ZNF785: variants seen among roughly 807,000 people sequenced by gnomAD.
ZNF785 encodes the protein zinc finger protein 785.
ZNF785 carries 15 observed loss-of-function variants against 11.3 expected under a neutral mutation model. The observed-to-expected ratio is 1.32, with a 90% CI of 0.89 to 2.04. The LOEUF is 2.04. Ranked by LOEUF, ZNF785 falls within the 30% of genes most tolerant of loss-of-function variation. ZNF785 has a pLI of 0.00. For synonymous variants in ZNF785, 221 were observed against 231.0 expected (o/e 0.96, Z 0.39); for missense variants, 572 against 560.9 (o/e 1.02, Z -0.20).
intron 2 of ZNF785, chr16:30,583,835 A>ACACAGCAAG (rs2051853756): frequency 6.5e-6 from 1 of 153,176 alleles, no homozygotes; most frequent in African/African-American, 2.6e-5. Context: ...CAGCCTGGGC[A>ACACAGCAAG]ACTCTCTAAT....
Position 30,582,538 on chromosome 16 carries a change from T to C in ZNF785, c.*22A>G. 1 of 1,611,958 alleles carries C rather than the reference T, an allele frequency of 6.2e-7. No individual in the cohort carries two copies. The highest frequency in any genetic ancestry group is 8.5e-7 in the Non-Finnish European group (1 of 1,178,578). ...TGCCTCTTCCTCTCCAGGGAAACGC[T>C]GACCAGTTTGTGTGAACGCCATCAC... On this transcript the variant is annotated 3_prime_UTR_variant, in exon 3 of 3. Transcript: ENST00000395216.
chr16:30,583,607 C>A, intron 2 of ZNF785, 164 bp from the exon 3 acceptor site: 1 of 846,444 alleles, frequency 1.2e-6, no homozygotes, highest in Non-Finnish European at 1.7e-6. Context: ...ATGATAGGGG[C>A]CTCATGAAGC....
rs1216995819 is a variant in ZNF785, at chr16:30,585,634, A to G, written c.-23T>C. On this transcript the variant is annotated 5_prime_UTR_variant, in exon 1 of 3. Transcript: ENST00000395216. The surrounding 1 kb of genome is among the most constrained non-coding windows in gnomAD (Gnocchi z 4.0). ...CATGGGAAACCCTTTCTGCCTGGCA[A>G]AGGGAGGCTTCCGGGGAAGGTGGAG... The G allele has an allele frequency of 3.4e-6, 5 of 1,456,444 alleles. No individual in the cohort carries two copies. The highest frequency in any genetic ancestry group is 1.4e-5 in the South Asian group (1 of 70,234). The allele number at this position is 1,456,444 out of a possible 1,614,324, so 90.2% of individuals were successfully genotyped here.
Position 30,583,206 on chromosome 16 carries a change from T to C in ZNF785, c.572A>G (p.Gln191Arg). 6.2e-7 allele frequency: 1 copy of C among 1,614,048 alleles called. No homozygotes were observed. Among genetic ancestry groups the C allele is most frequent in the South Asian group, 1.1e-5 (1 of 91,082 alleles). ...GGGCCGCTCCCCGGAGTGGACCCGC[T>C]GGTGGCTGGCCAGGAGGGAAGGGTA... ...FSYPSLLASH[Q>R]RVHSGERPFS... Residue 191 changes from glutamine (Q) to arginine (R), a missense_variant, in exon 3 of 3, where the codon CAG becomes CGG. Physicochemically the swap from Gln to Arg is conservative, Grantham distance 43. Transcript: ENST00000395216.
Position 30,582,721 on chromosome 16 carries a change from T to C in ZNF785, c.1057A>G (p.Thr353Ala). 2 of 1,612,998 alleles carry C rather than the reference T, an allele frequency of 1.2e-6. No homozygotes were observed. The highest frequency in any genetic ancestry group is 1.7e-6 in the Non-Finnish European group (2 of 1,179,298). Residue 353 changes from threonine (T) to alanine (A), a missense_variant, in exon 3 of 3, where the codon ACC (threonine) becomes GCC (alanine). Physicochemically the swap from Thr to Ala is moderately conservative, Grantham distance 58 (BLOSUM62 0). Transcript: ENST00000395216. ...VECGKGFKRK[T>A]ALEAHRWIHR... ...ATCCACCGATGGGCTTCCAGGGCGG[T>C]CTTGCGCTTGAAGCCTTTCCCACAC...
At position 30,583,384 on chromosome 16, in the gene ZNF785, CCT is replaced by C. The variant is rs754450776; in HGVS notation, c.392_393del (p.Glu131GlyfsTer4). The C allele has an allele frequency of 6.2e-7, 1 of 1,605,240 alleles. No individual in the cohort carries two copies. The highest frequency in any genetic ancestry group is 8.5e-7 in the Non-Finnish European group (1 of 1,175,376). ...TCCTTGACAGCCACTTCATGCGCCA[CCT>C]CTTTTTGTTTTGGACACTTCTTCAG... ...ERLKKCPKQK[E>X]VAHEVAVKEW... On this transcript the variant is annotated frameshift_variant, in exon 3 of 3. Coordinates refer to ENST00000395216, the MANE Select transcript of ZNF785 (RefSeq NM_152458.7). LOFTEE classifies it low-confidence loss of function (END_TRUNC).
chr16:30,579,351 TGTG>T (rs1469051395), downstream of ZNF785: 1 of 160,172 alleles, frequency 6.2e-6, no homozygotes, highest in East Asian at 1.8e-4. Context: ...GGAGAGGCTA[TGTG>T]GTGAAGTAAA....
rs1324362148 is a variant in ZNF785 at position 30,582,797 on chromosome 16, G to C, written c.981C>G (p.Leu327=). 3 of 1,607,170 alleles carry C rather than the reference G, an allele frequency of 1.9e-6. No homozygotes were observed. Among genetic ancestry groups the C allele is most frequent in the Non-Finnish European group, 8.5e-7 (1 of 1,175,602 alleles). Residue 327 remains leucine (L), a synonymous_variant, in exon 3 of 3, where the codon CTC becomes CTG. Transcript: ENST00000395216. ...CGRRFTYSSL[L]LSHRRIHSDS... ...CGGAGTGAATGCGCCGGTGACTGAGGAGGAGGGAAGAATAGGTGAAGCGGC... is the reference window on the plus strand; with the variant it reads ...CGGAGTGAATGCGCCGGTGACTGAGCAGGAGGGAAGAATAGGTGAAGCGGC...
Position 30,582,235 on chromosome 16 carries a change from A to C in ZNF785, c.*325T>G. 2.9e-6 allele frequency: 1 copy of C among 339,658 alleles called. No individual in the cohort carries two copies. 21.0% of individuals were successfully genotyped at this position (339,658 alleles called of 1,614,324 possible). A position where few individuals can be genotyped will look rare whatever the true frequency, so the allele number is the denominator to read the frequency against. ...GTAGGGGACCCCATCTCAGAGGAGT[A>C]GGAGAGATACAGGCCAAAAAGCAGA... On this transcript the variant is annotated 3_prime_UTR_variant, in exon 3 of 3. Coordinates refer to ENST00000395216, the MANE Select transcript of ZNF785 (RefSeq NM_152458.7).
Position 30,582,117 on chromosome 16 carries a change from G to GCCCC in ZNF785, c.*439_*442dup, listed in dbSNP as rs200277882. 1,572 of 160,586 alleles carry GCCCC rather than the reference G, an allele frequency of 9.8e-3. 17 individuals carry two copies. Among genetic ancestry groups the GCCCC allele is most frequent in the African/African-American group, 0.035 (1,449 of 41,306 alleles). 9.9% of individuals were successfully genotyped at this position (160,586 alleles called of 1,614,324 possible). On this transcript the variant is annotated 3_prime_UTR_variant, in exon 3 of 3. Transcript: ENST00000395216. ...AGAAAAGAATCCTGGGATGAGCTCC[G>GCCCC]CCCCCCCCACCAGCCGAGGGACAGG...
rs1369316250 is a variant in ZNF785, at chr16:30,582,309, T to C, written c.*251A>G. 1.8e-6 allele frequency: 1 copy of C among 547,496 alleles called. No individual in the cohort carries two copies. The highest frequency in any genetic ancestry group is 3.2e-6 in the Non-Finnish European group (1 of 309,196). The allele number at this position is 547,496 out of a possible 1,614,324, so 33.9% of individuals were successfully genotyped here. ...ATGAAGGAAAAGCCAGTTAGGTGAA[T>C]GGTTTTCAGTGAAGGATGGGACGTG... On this transcript the variant is annotated 3_prime_UTR_variant, in exon 3 of 3. Coordinates refer to ENST00000395216, the MANE Select transcript of ZNF785 (RefSeq NM_152458.7).
Position 30,585,141 on chromosome 16 carries a change from C to G in ZNF785, c.315G>C (p.Arg105Ser). 1 of 1,613,116 alleles carries G rather than the reference C, an allele frequency of 6.2e-7. No individual in the cohort carries two copies. Among genetic ancestry groups the G allele is most frequent in the Non-Finnish European group, 8.5e-7 (1 of 1,179,314 alleles). Residue 105 changes from arginine (R) to serine (S), a missense_variant, in exon 2 of 3, where the codon AGG (arginine) becomes AGC (serine). Coordinates refer to ENST00000395216, the MANE Select transcript of ZNF785 (RefSeq NM_152458.7). The surrounding 1 kb of genome is among the most constrained non-coding windows in gnomAD (Gnocchi z 4.0). ...AAGTACCTGCTTCCTGTCCTTGGCC[C>G]CTGCTGAAAGCTGCAGAGCTCTCAC... ...PDGESSAAFS[R>S]GQGQEAGSRD...
rs1427479544 is a variant in ZNF785, at chr16:30,582,728, C to G, written c.1050G>C (p.Lys350Asn). Reference protein sequence around the residue: ...FPCVECGKGFKRKTALEAHRW... With the variant: ...FPCVECGKGFNRKTALEAHRW... ...GATGGGCTTCCAGGGCGGTCTTGCGCTTGAAGCCTTTCCCACACTCCACGC... is the reference window on the plus strand; with the variant it reads ...GATGGGCTTCCAGGGCGGTCTTGCGGTTGAAGCCTTTCCCACACTCCACGC... The change falls in exon 3 of 3, where the codon AAG becomes AAC. Residue 350 changes from lysine to asparagine, a missense_variant. By Grantham distance (94) the Lys-to-Asn change is moderately conservative (BLOSUM62 0). Coordinates refer to ENST00000395216, the MANE Select transcript of ZNF785 (RefSeq NM_152458.7). 6.2e-7 allele frequency: 1 copy of G among 1,612,010 alleles called. No homozygotes were observed. Among genetic ancestry groups the G allele is most frequent in the African/African-American group, 1.3e-5 (1 of 75,044 alleles).
rs1317467148 is a variant in ZNF785, at chr16:30,581,147, A to G, written c.*1413T>C. On this transcript the variant is annotated 3_prime_UTR_variant, in exon 3 of 3. Coordinates refer to ENST00000395216, the MANE Select transcript of ZNF785 (RefSeq NM_152458.7). ...CCATTGCACTCTAGCCTGGGCAACAAGAGCGAAACTCCATCTCAAAAAAAA... is the reference window on the plus strand; with the variant it reads ...CCATTGCACTCTAGCCTGGGCAACAGGAGCGAAACTCCATCTCAAAAAAAA... 6.6e-6 allele frequency: 1 copy of G among 151,972 alleles called. No individual in the cohort carries two copies. Among genetic ancestry groups the G allele is most frequent in the Non-Finnish European group, 1.5e-5 (1 of 68,396 alleles). 9.4% of individuals were successfully genotyped at this position (151,972 alleles called of 1,614,324 possible).
In ZNF785 at chr16:30,581,614, T is replaced by C. The variant is rs190935743; in HGVS notation, c.*946A>G. 1 of 151,790 alleles carries C rather than the reference T, an allele frequency of 6.6e-6. No homozygotes were observed. Among genetic ancestry groups the C allele is most frequent in the South Asian group, 2.1e-4 (1 of 4,796 alleles). 9.4% of individuals were successfully genotyped at this position (151,790 alleles called of 1,614,324 possible). A position where few individuals can be genotyped will look rare whatever the true frequency, so the allele number is the denominator to read the frequency against. On this transcript the variant is annotated 3_prime_UTR_variant, in exon 3 of 3. Transcript: ENST00000395216. ...AATCACTAATGCATACAGTGAAGAGTTGGCCCAGTTCCAGAGTCCGCTATG... is the reference window on the plus strand; with the variant it reads ...AATCACTAATGCATACAGTGAAGAGCTGGCCCAGTTCCAGAGTCCGCTATG...
rs2051874044 is a variant in ZNF785, at chr16:30,585,180, G to A, written c.276C>T (p.Ala92=). The part of the protein sequence containing the change: ...EGEVEAWSPE[A]QDPDGESSAA... ...CAGAGCTCTCACCGTCGGGATCCTG[G>A]GCCTCCGGGCTCCACGCCTCCACTT... is the stretch of plus-strand genomic sequence containing the variant. The change falls in exon 2 of 3, where the codon GCC becomes GCT. Residue 92 remains alanine (A), a synonymous_variant. Coordinates refer to ENST00000395216, the MANE Select transcript of ZNF785 (RefSeq NM_152458.7). This position sits in a 1 kb window ranked among gnomAD's most constrained non-coding sequence, Gnocchi z 4.0. The A allele has an allele frequency of 5.6e-6, 9 of 1,614,002 alleles. No homozygotes were observed. Among genetic ancestry groups the A allele is most frequent in the Non-Finnish European group, 7.6e-6 (9 of 1,179,988 alleles).
chr16:30,582,371 G>C lies in ZNF785; in HGVS notation c.*189C>G, dbSNP rs1432134362. On this transcript the variant is annotated 3_prime_UTR_variant, in exon 3 of 3. Transcript: ENST00000395216. ...CTGTGTGCTGGAGCTTCAGAAAATG[G>C]GGTCAACCCCCAGGCACCTTTTCAG... The C allele has an allele frequency of 5.2e-6, 4 of 764,090 alleles. No individual in the cohort carries two copies. The highest frequency in any genetic ancestry group is 3.5e-5 in the African/African-American group (2 of 56,834). 47.3% of individuals were successfully genotyped at this position (764,090 alleles called of 1,614,324 possible).
Position 30,582,764 on chromosome 16 carries a change from C to A in ZNF785, c.1014G>T (p.Arg338=), listed in dbSNP as rs763263934. 3.7e-6 allele frequency: 6 copies of A among 1,606,636 alleles called. No homozygotes were observed. Among genetic ancestry groups the A allele is most frequent in the Middle Eastern group, 1.7e-4 (1 of 6,024 alleles). The change falls in exon 3 of 3, where the codon CGG becomes CGT. Residue 338 remains arginine (R), a synonymous_variant. Coordinates refer to ENST00000395216, the MANE Select transcript of ZNF785 (RefSeq NM_152458.7). ...TCCCACACTCCACGCAGGGGAAGGG[C>A]CGGCTGTCGGAGTGAATGCGCCGGT... The part of the protein sequence containing the change: ...LSHRRIHSDS[R]PFPCVECGKG...
downstream of ZNF785, among the ~76,000 whole-genome samples, chr16:30,580,389 C>T (rs2051791785): frequency 7.0e-6 from 1 of 142,524 alleles, no homozygotes; most frequent in East Asian, 2.1e-4. Flanking sequence ...GAGTCTCGCT[C>T]TGTCACCCAG....
Sources: gnomAD v4.1 joint callset for allele counts (sites outside exome capture counted in the v4.1 genomes callset) on GRCh38, gnomAD v4.1.1 for gene constraint, Gnocchi (gnomAD v3.1) non-coding constraint, MANE v1.5 for transcripts, NCBI Gene and HGNC (gene_info 2026-07-23, HGNC 2026-07-21) for gene names.